Variants in SYVN1 observed in about 807,000 individuals in gnomAD.
SYVN1 encodes the protein synoviolin 1, also known as E3 ubiquitin-protein ligase synoviolin.
SYVN1 carries 17 observed loss-of-function variants against 62.6 expected under a neutral mutation model. That is an observed-to-expected ratio of 0.27 (90% CI 0.19 to 0.41). The LOEUF is 0.41. SYVN1 is among the 10% of genes least tolerant of loss of function. The pLI is 1.00. For missense variants in SYVN1, 634 were observed against 818.0 expected (o/e 0.78, Z 2.74); for synonymous variants, 316 against 304.0 (o/e 1.04, Z -0.41).
chr11:65,130,633 C>T (rs755633535), intron 11 of SYVN1, 27 bp downstream of exon 11: 104 of 1,381,736 alleles, frequency 7.5e-5, no homozygotes, highest in African/African-American at 1.0e-4. Flanking sequence ...AGTGGTATGC[C>T]GGGTGGCCAG....
intron 14 of SYVN1, 186 bp downstream of exon 14, chr11:65,129,543 C>T (rs569470109): frequency 3.4e-6 from 2 of 580,906 alleles, no homozygotes; most frequent in Non-Finnish European, 6.2e-6. Context: ...TAGATCCAGA[C>T]ATGCTTTCTG....
At position 65,131,255 on chromosome 11, in the gene SYVN1, G is replaced by C; in HGVS notation, c.758+19C>G. The stretch of plus-strand genomic sequence containing the variant: ...GACGGGATCAGGTCAGGAGGATCGG[G>C]GGACAGGGCCGGGCTCACCTCATGG... On this transcript the variant is annotated intron_variant, in intron 8 of 15. Coordinates refer to ENST00000377190, the MANE Select transcript of SYVN1 (RefSeq NM_172230.3). 6.2e-7 allele frequency: 1 copy of C among 1,614,000 alleles called. No homozygotes were observed. The highest frequency in any genetic ancestry group is 8.5e-7 in the Non-Finnish European group (1 of 1,179,874).
At position 65,131,722 on chromosome 11, in the gene SYVN1, G is replaced by T. The variant is rs1344565645; in HGVS notation, c.532-126C>A. ...ATCACAGGCTCTAGACACACCCAGGGTCCTCCTAGCCCCTCCACTTACTAG... is the reference window on the plus strand; with the variant it reads ...ATCACAGGCTCTAGACACACCCAGGTTCCTCCTAGCCCCTCCACTTACTAG... On this transcript the variant is annotated intron_variant, in intron 6 of 15. Coordinates refer to ENST00000377190, the MANE Select transcript of SYVN1 (RefSeq NM_172230.3). 4 of 1,175,476 alleles carry T rather than the reference G, an allele frequency of 3.4e-6. No individual in the cohort carries two copies. In the South Asian group the frequency reaches 4.5e-5, roughly 13 times the overall value. The allele number at this position is 1,175,476 out of a possible 1,614,324, so 72.8% of individuals were successfully genotyped here. A position where few individuals can be genotyped will look rare whatever the true frequency, so the allele number is the denominator to read the frequency against.
intron 14 of SYVN1, chr11:65,129,432 T>C (rs1315818262): frequency 6.3e-6 from 2 of 318,718 alleles, no homozygotes; most frequent in African/African-American, 2.1e-5. Context: ...AAGAATATCA[T>C]GTGATGAACT....
In SYVN1 at chr11:65,131,171, G is replaced by A. The variant is rs1948174725; in HGVS notation, c.785C>T (p.Ala262Val). 1 of 1,614,176 alleles carries A rather than the reference G, an allele frequency of 6.2e-7. No homozygotes were observed. Among genetic ancestry groups the A allele is most frequent in the South Asian group, 1.1e-5 (1 of 91,086 alleles). ...MRQFKKAVTD[A>V]IMSRRAIRNM... ...GCGGATGGCTCGGCGAGACATGATG[G>A]CATCTGTCACAGCTTTCTTGAACTG... The change falls in exon 9 of 16, where the codon GCC (alanine) becomes GTC (valine). Residue 262 changes from alanine to valine, a missense_variant. Ala to Val is a moderately conservative substitution (Grantham distance 64, BLOSUM62 0). Coordinates refer to ENST00000377190, the MANE Select transcript of SYVN1 (RefSeq NM_172230.3).
rs769260651 is a variant in SYVN1 at position 65,128,586 on chromosome 11, G to A, written c.1724C>T (p.Ala575Val). The stretch of plus-strand genomic sequence containing the variant: ...ACCTGGAGGCCTTTCCATTTCAGGG[G>A]CTGGTGGGGAGGCTCCTGGGGTTGG... The part of the protein sequence containing the change: ...TTPTPGASPP[A>V]PEMERPPAPE... The change falls in exon 15 of 16, where the codon GCC (alanine) becomes GTC (valine). Residue 575 changes from alanine (A) to valine (V), a missense_variant. Transcript: ENST00000377190. The A allele has an allele frequency of 1.1e-5, 18 of 1,614,022 alleles. No individual in the cohort carries two copies. The highest frequency in any genetic ancestry group is 4.2e-6 in the Non-Finnish European group (5 of 1,180,026).
intron 5 of SYVN1, 109 bp downstream of exon 5, chr11:65,132,623 T>C: frequency 1.5e-6 from 2 of 1,316,636 alleles, no homozygotes; most frequent in African/African-American, 2.9e-5. Flanking sequence ...GCAAATTAAC[T>C]TCCTAAATTA....
intron 11 of SYVN1, 50 bp downstream of exon 11, chr11:65,130,610 A>T: frequency 6.8e-7 from 1 of 1,478,914 alleles, no homozygotes; most frequent in East Asian, 2.4e-5. Flanking sequence ...CATCCAGCCC[A>T]GGGCAAGTAT....
At chr11:65,130,553 C>T (rs906720829) in intron 11 of SYVN1, 107 bp downstream of exon 11, 46 of 1,437,504 alleles carry the variant, frequency 3.2e-5, no homozygotes, top group Middle Eastern at 2.5e-4. Flanking sequence ...CTGGCCCAGA[C>T]TGAGATTCTG....
At position 65,133,081 on chromosome 11, in the gene SYVN1, G is replaced by A. The variant is rs775848840; in HGVS notation, c.226-7C>T. 6.2e-7 allele frequency: 1 copy of A among 1,614,164 alleles called. No individual in the cohort carries two copies. Among genetic ancestry groups the A allele is most frequent in the Non-Finnish European group, 8.5e-7 (1 of 1,180,032 alleles). On this transcript the variant is annotated splice_region_variant and splice_polypyrimidine_tract_variant and intron_variant, in intron 3 of 15. Transcript: ENST00000377190. ...AGGAACGTTCCAGAAGGTGCTGGGG[G>A]CCAGGCAGGGAATAATGTGGATACC...
chr11:65,134,491 C>G lies in SYVN1; in HGVS notation c.-53G>C, dbSNP rs954081248. The G allele has an allele frequency of 6.5e-6, 1 of 152,752 alleles. No individual in the cohort carries two copies. Among genetic ancestry groups the G allele is most frequent in the Non-Finnish European group, 1.5e-5 (1 of 68,108 alleles). The allele number at this position is 152,752 out of a possible 1,614,324, so 9.5% of individuals were successfully genotyped here. On this transcript the variant is annotated 5_prime_UTR_variant, in exon 1 of 16. Coordinates refer to ENST00000377190, the MANE Select transcript of SYVN1 (RefSeq NM_172230.3). ...GCGCCGCGAGCCCGCTCAATCCGCG[C>G]GACTGCGGCTGCCCCTCCGGTTAAC...
chr11:65,131,661 T>A, intron 6 of SYVN1, 65 bp from the exon 7 acceptor site: 1 of 1,582,716 alleles, frequency 6.3e-7, no homozygotes, highest in Non-Finnish European at 8.6e-7. Flanking sequence ...CCCACATTGC[T>A]CCCCAAGGCC....
chr11:65,127,320 G>A lies in SYVN1; in HGVS notation c.*1062C>T. 1 of 411,008 alleles carries A rather than the reference G, an allele frequency of 2.4e-6. No homozygotes were observed. The highest frequency in any genetic ancestry group is 4.3e-6 in the Non-Finnish European group (1 of 231,782). The allele number at this position is 411,008 out of a possible 1,614,324, so 25.5% of individuals were successfully genotyped here. A position where few individuals can be genotyped will look rare whatever the true frequency, so the allele number is the denominator to read the frequency against. On this transcript the variant is annotated 3_prime_UTR_variant, in exon 16 of 16. Transcript: ENST00000377190. The stretch of plus-strand genomic sequence containing the variant: ...TTATTTGGCTGTATATACAATTTAA[G>A]CTATTAAAATTTGTACAATATTTAC...
In SYVN1 at chr11:65,130,345, G is replaced by A; in HGVS notation, c.1140C>T (p.Gly380=). The A allele has an allele frequency of 6.4e-7, 1 of 1,555,352 alleles. No individual in the cohort carries two copies. The highest frequency in any genetic ancestry group is 8.7e-7 in the Non-Finnish European group (1 of 1,152,784). The change falls in exon 12 of 16, where the codon GGC becomes GGT. Residue 380 remains glycine (G), a synonymous_variant. Transcript: ENST00000377190. ...PQGLLPPFPP[G]MFPLWPPMGP... ...CCATGGGGGGCCACAGTGGGAACAT[G>A]CCTGGAGGAAAAGGAGGCAGGAGGC... is the stretch of plus-strand genomic sequence containing the variant.
rs763613342 is a variant in SYVN1, at chr11:65,130,994, A to G, written c.867T>C (p.Asn289=). ...TCTCTTCTCGGCAGATGATGCAGACATTGTCCATTGCCTGGAGCTCCTCTG... is the reference window on the plus strand; with the variant it reads ...TCTCTTCTCGGCAGATGATGCAGACGTTGTCCATTGCCTGGAGCTCCTCTG... The part of the protein sequence containing the change: ...ATPEELQAMD[N]VCIICREEMV... Residue 289 remains asparagine (N), a synonymous_variant, in exon 10 of 16, where the codon AAT becomes AAC. Transcript: ENST00000377190. 4 of 1,613,928 alleles carry G rather than the reference A, an allele frequency of 2.5e-6. No individual in the cohort carries two copies. The highest frequency in any genetic ancestry group is 1.3e-5 in the African/African-American group (1 of 74,906).
At position 65,133,027 on chromosome 11, in the gene SYVN1, G is replaced by A. The variant is rs756197458; in HGVS notation, c.273C>T (p.Ala91=). The change falls in exon 4 of 16, where the codon GCC becomes GCT. Residue 91 remains alanine (A), a synonymous_variant. Coordinates refer to ENST00000377190, the MANE Select transcript of SYVN1 (RefSeq NM_172230.3). Reference sequence around the variant, plus strand: ...TGAAGTCATCCCGAAAAACGGTGAAGGCCAGACAAGTCTCTGTGACGGCGT... The same window carrying A: ...TGAAGTCATCCCGAAAAACGGTGAAAGCCAGACAAGTCTCTGTGACGGCGT... ...SWYAVTETCL[A]FTVFRDDFSP... is the part of the protein sequence containing the mutation. 1 of 1,614,222 alleles carries A rather than the reference G, an allele frequency of 6.2e-7. No homozygotes were observed. Among genetic ancestry groups the A allele is most frequent in the East Asian group, 2.2e-5 (1 of 44,886 alleles).
Position 65,128,201 on chromosome 11 carries a change from G to A in SYVN1, c.*181C>T, listed in dbSNP as rs1185244892. 1.6e-6 allele frequency: 1 copy of A among 613,068 alleles called. No individual in the cohort carries two copies. The highest frequency in any genetic ancestry group is 1.9e-5 in the South Asian group (1 of 51,440). 38.0% of individuals were successfully genotyped at this position (613,068 alleles called of 1,614,324 possible). ...ACCCGAGATCCCCATGGCTGCCTGG[G>A]ACTGGAGTCAAATGGGAACCCCAGC... On this transcript the variant is annotated 3_prime_UTR_variant, in exon 16 of 16. Coordinates refer to ENST00000377190, the MANE Select transcript of SYVN1 (RefSeq NM_172230.3).
intron 6 of SYVN1, 136 bp downstream of exon 6, chr11:65,132,112 A>C: frequency 1.4e-6 from 1 of 732,808 alleles, no homozygotes; most frequent in Non-Finnish European, 2.5e-6. Flanking sequence ...GGCAGGAGCC[A>C]TATCTGATCA....
At chr11:65,129,683 A>G in intron 14 of SYVN1, 46 bp downstream of exon 14, 1 of 1,587,140 alleles carries the variant, frequency 6.3e-7, no homozygotes, top group Non-Finnish European at 8.6e-7. Flanking sequence ...TGGCAGCTCC[A>G]CTCCTGACCC....
Sources: gnomAD v4.1 joint callset for allele counts on GRCh38, gnomAD v4.1.1 for gene constraint, MANE v1.5 for transcripts, NCBI Gene and HGNC (gene_info 2026-07-23, HGNC 2026-07-21) for gene names.